The following DCTN4 variants were observed in gnomAD, a reference collection of about 807,000 sequenced individuals.
DCTN4 encodes the protein dynactin 4 (p62).
DCTN4 carries 23 observed loss-of-function variants against 62.7 expected under a neutral mutation model. That is an observed-to-expected ratio of 0.37 (90% CI 0.26 to 0.52). The LOEUF is 0.52. Ranked by LOEUF, DCTN4 falls within the 20% of genes least tolerant of loss-of-function variation. The pLI is 0.92. For synonymous variants in DCTN4, 199 were observed against 202.1 expected, an observed-to-expected ratio of 0.98 and a Z score of 0.13; for missense variants, 514 against 580.4, an observed-to-expected ratio of 0.89 and a Z score of 1.18.
chr5:150,730,936 T>C lies in DCTN4; in HGVS notation c.724+108A>G, dbSNP rs115544229. On this transcript the variant is annotated intron_variant, in intron 7 of 12. Coordinates refer to ENST00000447998, the MANE Select transcript of DCTN4 (RefSeq NM_016221.4). Reference sequence around the variant, plus strand: ...TGTTTTATTTTCTACATATTGTTTTTACTACTAACAGCTATTCCATTAAAA... The same window carrying C: ...TGTTTTATTTTCTACATATTGTTTTCACTACTAACAGCTATTCCATTAAAA... The C allele has an allele frequency of 1.2e-3, 987 of 793,018 alleles. 15 individuals are homozygous for C. Among genetic ancestry groups the C allele is most frequent in the South Asian group, 8.8e-3 (510 of 58,158 alleles). The allele number at this position is 793,018 out of a possible 1,614,324, so 49.1% of individuals were successfully genotyped here. A position where few individuals can be genotyped will look rare whatever the true frequency, so the allele number is the denominator to read the frequency against.
intron 4 of DCTN4, among the ~76,000 whole-genome samples, chr5:150,737,892 G>C (rs909004471): frequency 6.6e-6 from 1 of 152,048 alleles, no homozygotes; most frequent in Non-Finnish European, 1.5e-5. Flanking sequence ...GAAAAGATGA[G>C]AGAAGATCCA....
At chr5:150,727,645 G>A (rs562087282) in intron 8 of DCTN4, among the ~76,000 whole-genome samples, 184 of 151,376 alleles carry the variant, frequency 1.2e-3, no homozygotes, top group African/African-American at 4.2e-3. Context: ...GCGTGGTGGC[G>A]GGCGCCTGTA....
chr5:150,752,162 TTTA>T (rs1229067677), intron 3 of DCTN4, among the ~76,000 whole-genome samples: 1 of 152,178 alleles, frequency 6.6e-6, no homozygotes, highest in Non-Finnish European at 1.5e-5. Flanking sequence ...AACTCAAGAT[TTTA>T]TTAATTTTTT....
intron 3 of DCTN4, among the ~76,000 whole-genome samples, chr5:150,752,162 T>G (rs1033842106): frequency 6.6e-6 from 1 of 152,178 alleles, no homozygotes; most frequent in Non-Finnish European, 1.5e-5. Flanking sequence ...AACTCAAGAT[T>G]TTATTAATTT....
In DCTN4 at chr5:150,722,912, G is replaced by T; in HGVS notation, c.903C>A (p.Val301=). Residue 301 remains valine, a synonymous_variant, in exon 9 of 13, where the codon GTC becomes GTA. Coordinates refer to ENST00000447998, the MANE Select transcript of DCTN4 (RefSeq NM_016221.4). ...ACCAATCCCAAAATACTTACACAGCGACCAGCTGGATTTTGAATTTGATTG... is the reference window on the plus strand; with the variant it reads ...ACCAATCCCAAAATACTTACACAGCTACCAGCTGGATTTTGAATTTGATTG... ...PTSIKFKIQL[V]AVNYIPEVRI... 1 of 1,611,036 alleles carries T rather than the reference G, an allele frequency of 6.2e-7. No individual in the cohort carries two copies. Among genetic ancestry groups the T allele is most frequent in the South Asian group, 1.1e-5 (1 of 90,628 alleles).
At chr5:150,749,109 G>GACA (rs532887611) in intron 3 of DCTN4, among the ~76,000 whole-genome samples, 170 of 152,182 alleles carry the variant, frequency 1.1e-3, no homozygotes, top group South Asian at 7.7e-3. Context: ...TGGTAAATTA[G>GACA]ACTTCACTGA....
intron 1 of DCTN4, 30 bp downstream of exon 1, chr5:150,758,829 C>T (rs1396083554): frequency 2.5e-6 from 4 of 1,610,192 alleles, no homozygotes; most frequent in African/African-American, 1.3e-5. Context: ...CCCCCCACCC[C>T]ACATACTCGC....
chr5:150,745,616 T>C (rs1313680492), intron 3 of DCTN4, among the ~76,000 whole-genome samples: 1 of 152,052 alleles, frequency 6.6e-6, no homozygotes, highest in African/African-American at 2.4e-5. Flanking sequence ...GCAATCAAAC[T>C]AGAACTCAGG....
At position 150,733,404 on chromosome 5, in the gene DCTN4, C is replaced by T. The variant is rs1760458773; in HGVS notation, c.501G>A (p.Leu167=). Residue 167 remains leucine (L), a synonymous_variant, in exon 5 of 13, where the codon CTG becomes CTA. Transcript: ENST00000447998. ...KEKVERDRKK[L]ARRRNYMPLA... is the part of the protein sequence containing the mutation. ...GAGGCATATAGTTTCTACGTCGTGC[C>T]AGTTTCTTGCGATCTCGCTCAACCT... is the stretch of plus-strand genomic sequence containing the variant. The T allele has an allele frequency of 6.2e-7, 1 of 1,613,904 alleles. No homozygotes were observed. The highest frequency in any genetic ancestry group is 1.1e-5 in the South Asian group (1 of 91,066).
In DCTN4 at chr5:150,738,278, G is replaced by A. The variant is rs192921831; in HGVS notation, c.429+3836C>T. Among the ~76,000 whole-genome samples, 168 of 152,166 alleles carry A rather than the reference G, an allele frequency of 1.1e-3. 4 individuals carry two copies. The highest frequency in any genetic ancestry group is 2.7e-3 in the East Asian group (14 of 5,182). On this transcript the variant is annotated intron_variant, in intron 4 of 12. Coordinates refer to ENST00000447998, the MANE Select transcript of DCTN4 (RefSeq NM_016221.4). ...TAAATCATTCTATGAATCCAGCATC[G>A]CCCTTATACCGAAACCAGGAAGGGA...
At chr5:150,733,740 C>T (rs1472549559) in intron 4 of DCTN4, 1 of 315,688 alleles carries the variant, frequency 3.2e-6, no homozygotes, top group Non-Finnish European at 5.9e-6. Flanking sequence ...TACTTATTTC[C>T]CCTCACAACT....
intron 10 of DCTN4, among the ~76,000 whole-genome samples, chr5:150,718,741 G>A (rs970513190): frequency 6.6e-6 from 1 of 152,062 alleles, no homozygotes; most frequent in Non-Finnish European, 1.5e-5. Flanking sequence ...TAAAATATGG[G>A]AGCCACAGGC....
chr5:150,740,161 A>G (rs1760717908), intron 4 of DCTN4, among the ~76,000 whole-genome samples: 1 of 152,226 alleles, frequency 6.6e-6, no homozygotes, highest in Admixed American at 6.5e-5. Context: ...AAATCTTTGC[A>G]AACTATGCAT....
intron 4 of DCTN4, among the ~76,000 whole-genome samples, chr5:150,738,789 G>C (rs1373915788): frequency 6.6e-6 from 1 of 152,146 alleles, no homozygotes; most frequent in Admixed American, 6.5e-5. Flanking sequence ...GAAATAAAGG[G>C]CATCCAAATC....
Position 150,733,365 on chromosome 5 carries a change from C to T in DCTN4, c.537+3G>A. The T allele has an allele frequency of 6.2e-7, 1 of 1,607,676 alleles. No homozygotes were observed. The highest frequency in any genetic ancestry group is 8.5e-7 in the Non-Finnish European group (1 of 1,176,472). On this transcript the variant is annotated splice_donor_region_variant and intron_variant, in intron 5 of 12. Transcript: ENST00000447998. ...GCAAATCATTTTAGTACCAAATTCT[C>T]ACCGAAAAAGCCAGAGGCATATAGT...
At chr5:150,717,794 T>C (rs186612146) in intron 11 of DCTN4, among the ~76,000 whole-genome samples, 94 of 152,320 alleles carry the variant, frequency 6.2e-4, no homozygotes, top group African/African-American at 2.2e-3. Context: ...TTATAACCCA[T>C]TGGATCTGTC....
Position 150,742,119 on chromosome 5 carries a change from G to C in DCTN4, c.424C>G (p.Gln142Glu), listed in dbSNP as rs1335948112. Reference sequence around the variant, plus strand: ...TCTTATGACCCTTTACTTACCCGTTGTGTGTGAGGATTTTCAGGTTCCTGC... The same window carrying C: ...TCTTATGACCCTTTACTTACCCGTTCTGTGTGAGGATTTTCAGGTTCCTGC... The part of the protein sequence containing the change: ...GWQEPENPHT[Q>E]RMNKLIEYYQ... The change falls in exon 4 of 13, where the codon CAA (glutamine) becomes GAA (glutamate). Residue 142 changes from glutamine (Q) to glutamate (E), a missense_variant. By Grantham distance (29) the Gln-to-Glu change is conservative (BLOSUM62 2). Coordinates refer to ENST00000447998, the MANE Select transcript of DCTN4 (RefSeq NM_016221.4). 1 of 1,613,636 alleles carries C rather than the reference G, an allele frequency of 6.2e-7. No homozygotes were observed. Among genetic ancestry groups the C allele is most frequent in the Non-Finnish European group, 8.5e-7 (1 of 1,179,794 alleles).
chr5:150,733,319 T>C, intron 5 of DCTN4, 49 bp downstream of exon 5: 1 of 1,342,178 alleles, frequency 7.5e-7, no homozygotes, highest in Non-Finnish European at 1.1e-6. Context: ...ATGATCACTG[T>C]TCTTAGGCCT....
intron 8 of DCTN4, among the ~76,000 whole-genome samples, chr5:150,729,243 A>C (rs1760270224): frequency 1.3e-5 from 2 of 150,848 alleles, no homozygotes; most frequent in Admixed American, 6.6e-5. Context: ...CTTTCTTTTT[A>C]TAAAGGTTTT....
Sources: gnomAD v4.1 joint callset for allele counts (sites outside exome capture counted in the v4.1 genomes callset) on GRCh38, gnomAD v4.1.1 for gene constraint, MANE v1.5 for transcripts, NCBI Gene and HGNC (gene_info 2026-07-23, HGNC 2026-07-21) for gene names.